EPG5: variants seen among roughly 807,000 people sequenced by gnomAD.
The protein encoded by EPG5 is ectopic P-granules 5 autophagy tethering factor.
A neutral mutation model predicts 302.7 loss-of-function variants in EPG5; 159 were observed. That is an observed-to-expected ratio of 0.53 (90% CI 0.46 to 0.60). The LOEUF is 0.60. Among genes scored for constraint, EPG5 ranks in the 20% least tolerant of loss-of-function variants. EPG5 has a pLI of 0.00. For synonymous variants in EPG5, 1,158 were observed against 1,136.8 expected, an observed-to-expected ratio of 1.02 and a Z score of -0.37; for missense variants, 2,896 against 3,092.4, an observed-to-expected ratio of 0.94 and a Z score of 1.51.
chr18:45,900,614 T>A (rs879893477), intron 26 of EPG5, among the ~76,000 whole-genome samples: 1 of 152,164 alleles, frequency 6.6e-6, no homozygotes, highest in Admixed American at 6.5e-5. Context: ...TATGTCAATT[T>A]CTTAAAGAAT....
intron 12 of EPG5, 139 bp downstream of exon 12, chr18:45,930,537 T>G: frequency 1.7e-6 from 1 of 580,540 alleles, no homozygotes. Context: ...AATGTTCCAC[T>G]GATTCTCTAT....
chr18:45,907,873 A>G (rs1291882541), intron 24 of EPG5, 85 bp downstream of exon 24: 1 of 1,314,528 alleles, frequency 7.6e-7, no homozygotes, highest in Non-Finnish European at 1.0e-6. Context: ...TTATCAATAA[A>G]TTGTTTTATT....
downstream of EPG5, chr18:45,843,860 CAG>C (rs906092385): frequency 1.1e-4 from 16 of 152,102 alleles, no homozygotes; most frequent in African/African-American, 3.4e-4. Flanking sequence ...GCCTGGGCAA[CAG>C]AGAGACTGTC....
At chr18:45,930,141 G>A (rs2050367014) in intron 12 of EPG5, among the ~76,000 whole-genome samples, 1 of 152,184 alleles carries the variant, frequency 6.6e-6, no homozygotes, top group Non-Finnish European at 1.5e-5. Context: ...ATGGCTCAGT[G>A]AAAAGATGAA....
chr18:45,903,551 G>A (rs1209304632), intron 25 of EPG5, among the ~76,000 whole-genome samples: 1 of 152,146 alleles, frequency 6.6e-6, no homozygotes, highest in Non-Finnish European at 1.5e-5. Context: ...TTGAAATATA[G>A]TCAGTAATTA....
chr18:45,862,875 C>T (rs1353990615), intron 39 of EPG5, among the ~76,000 whole-genome samples: 1 of 152,186 alleles, frequency 6.6e-6, no homozygotes, highest in Admixed American at 6.5e-5. Context: ...AATTTTGATG[C>T]ACTGTATTTT....
At chr18:45,938,908 G>C (rs1423652638) in intron 10 of EPG5, among the ~76,000 whole-genome samples, 1 of 152,172 alleles carries the variant, frequency 6.6e-6, no homozygotes, top group Non-Finnish European at 1.5e-5. Flanking sequence ...TAGCTCAGGA[G>C]AGGGCCAAAG....
In EPG5 at chr18:45,955,059, C is replaced by T. The variant is rs768905605; in HGVS notation, c.343G>A (p.Asp115Asn). The T allele has an allele frequency of 4.3e-6, 7 of 1,613,996 alleles. No homozygotes were observed. Among genetic ancestry groups the T allele is most frequent in the African/African-American group, 2.7e-5 (2 of 74,924 alleles). Reference protein sequence around the residue: ...EGGEARPCVGDSAVTPKVHPG... With the variant: ...EGGEARPCVGNSAVTPKVHPG... ...TGGACCTTTGGAGTGACTGCACTGT[C>T]CCCCACACAGGGTCTGGCCTCTCCC... is the stretch of plus-strand genomic sequence containing the variant. The change falls in exon 2 of 44, where the codon GAC becomes AAC. Residue 115 changes from aspartate (D) to asparagine (N), a missense_variant. Asp to Asn is a conservative substitution (Grantham distance 23, BLOSUM62 1). Coordinates refer to ENST00000282041, the MANE Select transcript of EPG5 (RefSeq NM_020964.3).
chr18:45,818,732 C>CTTTT, the EPG5 span, among the ~76,000 whole-genome samples: 1,387 of 111,352 alleles, frequency 0.012, 66 homozygotes, highest in East Asian at 0.017. Flanking sequence ...TTTTGCATAA[C>CTTTT]TTTTTTTTTT....
intron 16 of EPG5, among the ~76,000 whole-genome samples, chr18:45,918,370 A>G (rs191761431): frequency 1.1e-4 from 17 of 152,298 alleles, no homozygotes; most frequent in African/African-American, 2.9e-4. Context: ...AAATGCCCCA[A>G]TGAACATTTC....
chr18:45,884,692 G>A lies in EPG5; in HGVS notation c.5229C>T (p.Phe1743=), dbSNP rs76331338. 1,978 of 1,611,956 alleles carry A rather than the reference G, an allele frequency of 1.2e-3. 46 individuals are homozygous for A. In the East Asian group the frequency reaches 0.029, roughly 24 times the overall value. Residue 1743 remains phenylalanine, a synonymous_variant, in exon 30 of 44, where the codon TTC becomes TTT. Coordinates refer to ENST00000282041, the MANE Select transcript of EPG5 (RefSeq NM_020964.3). The part of the protein sequence containing the change: ...FFTPNAAPAE[F]IQLYEQVVKF... The stretch of plus-strand genomic sequence containing the variant: ...TCACCACTTGCTCATACAGCTGTAT[G>A]AACTCTGCAGGTGCAGCATTGGGAG...
In EPG5 at chr18:45,948,544, A is replaced by G. The variant is rs141397058; in HGVS notation, c.1530T>C (p.Phe510=). The change falls in exon 6 of 44, where the codon TTT becomes TTC. Residue 510 remains phenylalanine (F), a synonymous_variant. Coordinates refer to ENST00000282041, the MANE Select transcript of EPG5 (RefSeq NM_020964.3). The part of the protein sequence containing the change: ...IKVLHNPSGV[F]HFMQSLALLM... ...GCAGGGCAAGGGATTGCATAAAATG[A>G]AAGACCCCTGATGGGTTATGCAACA... 1.9e-6 allele frequency: 3 copies of G among 1,614,010 alleles called. No individual in the cohort carries two copies. Among genetic ancestry groups the G allele is most frequent in the African/African-American group, 1.3e-5 (1 of 75,066 alleles).
downstream of EPG5, chr18:45,844,035 T>C (rs185640287): frequency 2.6e-5 from 4 of 151,070 alleles, no homozygotes; most frequent in East Asian, 5.8e-4. Flanking sequence ...TAAGTGTCCA[T>C]CCACGAATGA....
At chr18:45,818,260 T>TA in the EPG5 span, among the ~76,000 whole-genome samples, 28 of 151,576 alleles carry the variant, frequency 1.8e-4, no homozygotes, top group African/African-American at 6.6e-4. Flanking sequence ...GATTTTATTT[T>TA]TTTTTTTTGT....
At chr18:45,904,584 G>A (rs921939049) in intron 24 of EPG5, among the ~76,000 whole-genome samples, 1 of 152,060 alleles carries the variant, frequency 6.6e-6, no homozygotes, top group Non-Finnish European at 1.5e-5. Context: ...CCATACTGTG[G>A]GGAGCCTCTA....
chr18:45,917,161 G>T (rs552816322), intron 17 of EPG5, among the ~76,000 whole-genome samples: 31 of 152,262 alleles, frequency 2.0e-4, no homozygotes, highest in African/African-American at 7.0e-4. Context: ...ACTGTACAGG[G>T]TTCCTCCATA....
Position 45,883,461 on chromosome 18 carries a change from C to CTTTT in EPG5, c.5305-978_5305-975dup, listed in dbSNP as rs61461493. Among the ~76,000 whole-genome samples the CTTTT allele has an allele frequency of 1.1e-4, 14 of 132,532 alleles. 1 individual carries two copies. Among genetic ancestry groups the CTTTT allele is most frequent in the Non-Finnish European group, 1.3e-4 (8 of 63,610 alleles). The allele number at this position is 132,532 out of a possible 152,430, so 86.9% of individuals were successfully genotyped here. On this transcript the variant is annotated intron_variant, in intron 30 of 43. Coordinates refer to ENST00000282041, the MANE Select transcript of EPG5 (RefSeq NM_020964.3). The stretch of plus-strand genomic sequence containing the variant: ...TAGGCCCTAAAATTGTCAAGGTTGT[C>CTTTT]TTTTTTTTTTTTTTTTTCACAACAG...
chr18:45,816,817 G>T, the EPG5 span, among the ~76,000 whole-genome samples: 1 of 152,102 alleles, frequency 6.6e-6, no homozygotes, highest in Non-Finnish European at 1.5e-5. Context: ...ACTTGCACAC[G>T]CATGTTTATA....
At chr18:45,871,056 T>C (rs2048862305) in intron 35 of EPG5, among the ~76,000 whole-genome samples, 1 of 152,214 alleles carries the variant, frequency 6.6e-6, no homozygotes, top group African/African-American at 2.4e-5. Flanking sequence ...TCAGTATGTA[T>C]TCAGTTTTAC....
Sources: allele counts gnomAD v4.1 joint callset (sites outside exome capture counted in the v4.1 genomes callset), GRCh38; gene constraint gnomAD v4.1.1; transcripts MANE v1.5; gene names NCBI Gene and HGNC (gene_info 2026-07-23, HGNC 2026-07-21).